HIBCH: variants seen among roughly 807,000 people sequenced by gnomAD.
HIBCH encodes the protein 3-hydroxyisobutyryl-CoA hydrolase.
In HIBCH, 50 loss-of-function variants were observed where a neutral mutation model predicts 58.2. The observed-to-expected ratio is 0.86, with a 90% CI of 0.68 to 1.09. The LOEUF is 1.09. Ranked by LOEUF, HIBCH falls within the 50% of genes least tolerant of loss-of-function variation. The pLI is 0.00. For synonymous variants in HIBCH, 151 were observed against 146.9 expected (o/e 1.03, Z -0.20); for missense variants, 450 against 449.7 (o/e 1.00, Z -0.01).
downstream of HIBCH, among the ~76,000 whole-genome samples, chr2:190,199,538 G>GTGAT (rs548468183): frequency 4.1e-4 from 62 of 152,238 alleles, 1 homozygote; most frequent in East Asian, 0.012. Flanking sequence ...TTTTTATTGA[G>GTGAT]TGATTATCTT....
intron 2 of HIBCH, among the ~76,000 whole-genome samples, chr2:190,298,009 G>C (rs1688151773): frequency 6.9e-6 from 1 of 145,914 alleles, no homozygotes; most frequent in African/African-American, 2.5e-5. Context: ...TATGGTGTTT[G>C]GTTTTCTGTC....
At chr2:190,266,597 C>A (rs1350052443) in intron 6 of HIBCH, among the ~76,000 whole-genome samples, 1 of 151,942 alleles carries the variant, frequency 6.6e-6, no homozygotes, top group East Asian at 1.9e-4. Context: ...CCACACCCAG[C>A]TAATTTTGGT....
chr2:190,293,060 A>C (rs1687996802), intron 4 of HIBCH, among the ~76,000 whole-genome samples: 1 of 152,234 alleles, frequency 6.6e-6, no homozygotes, highest in Non-Finnish European at 1.5e-5. Flanking sequence ...ATCAATATAA[A>C]ATTAGGCCTA....
intron 2 of HIBCH, among the ~76,000 whole-genome samples, chr2:190,300,899 T>C (rs1262822205): frequency 6.6e-6 from 1 of 152,250 alleles, no homozygotes; most frequent in African/African-American, 2.4e-5. Flanking sequence ...GCACCATTTA[T>C]TGAATAAGGA....
chr2:190,212,337 T>C (rs1388880136), intron 12 of HIBCH, among the ~76,000 whole-genome samples: 1 of 152,210 alleles, frequency 6.6e-6, no homozygotes, highest in East Asian at 1.9e-4. Flanking sequence ...ATAGTCCCTT[T>C]AGTCCATATA....
At chr2:190,260,451 TAAG>T (rs1215820553) in intron 7 of HIBCH, 1 of 152,216 alleles carries the variant, frequency 6.6e-6, no homozygotes, top group African/African-American at 2.4e-5. Flanking sequence ...TCGATAGTGT[TAAG>T]ATGTCAATTC....
At chr2:190,202,795 GA>G (rs1291775085), downstream of HIBCH, 1 of 167,006 alleles carries the variant, frequency 6.0e-6, no homozygotes, top group Non-Finnish European at 1.5e-5. Context: ...GGTTATCAGA[GA>G]AAATAAATGT....
downstream of HIBCH, chr2:190,200,482 G>C: frequency 4.8e-6 from 1 of 208,728 alleles, no homozygotes; most frequent in Non-Finnish European, 1.1e-5. Flanking sequence ...AATTCCAATG[G>C]TTGAAGTTTA....
chr2:190,217,261 A>G lies in HIBCH; in HGVS notation c.892-4186T>C, dbSNP rs1445676772. ...CACTTTCTGAGACTGAGGCAGGTGG[A>G]TCACCTGAGGTCAAGAGTTCAAGAC... On this transcript the variant is annotated intron_variant, in intron 11 of 13. Transcript: ENST00000359678. The surrounding 1 kb of genome is among the most constrained non-coding windows in gnomAD (Gnocchi z 4.6). Among the ~76,000 whole-genome samples, 1 of 152,174 alleles carries G rather than the reference A, an allele frequency of 6.6e-6. No individual in the cohort carries two copies. Among genetic ancestry groups the G allele is most frequent in the African/African-American group, 2.4e-5 (1 of 41,434 alleles).
At chr2:190,272,921 C>T (rs1687442805) in intron 6 of HIBCH, among the ~76,000 whole-genome samples, 1 of 151,902 alleles carries the variant, frequency 6.6e-6, no homozygotes, top group African/African-American at 2.4e-5. Flanking sequence ...TAGTAAAATA[C>T]AATTAAACAG....
chr2:190,195,731 T>C (rs1396391849), intron 1 of HIBCH, among the ~76,000 whole-genome samples: 1 of 152,212 alleles, frequency 6.6e-6, no homozygotes, highest in Non-Finnish European at 1.5e-5. Context: ...TTCTTGACCA[T>C]GTCTTAAACA....
downstream of HIBCH, chr2:190,199,960 TG>T: frequency 6.2e-7 from 1 of 1,614,104 alleles, no homozygotes. Context: ...AGAAGAGAGA[TG>T]TCTACCTAGG....
At chr2:190,272,406 G>C (rs1049358044) in intron 6 of HIBCH, among the ~76,000 whole-genome samples, 1 of 152,162 alleles carries the variant, frequency 6.6e-6, no homozygotes, top group Non-Finnish European at 1.5e-5. Flanking sequence ...AGGGGAATGA[G>C]CTCGTTTTAT....
intron 4 of HIBCH, among the ~76,000 whole-genome samples, chr2:190,291,978 CTTGT>C (rs1399177992): frequency 1.3e-5 from 2 of 152,026 alleles, no homozygotes; most frequent in East Asian, 1.9e-4. Flanking sequence ...CTAGAATTCT[CTTGT>C]TTGTTTTTTG....
intron 11 of HIBCH, among the ~76,000 whole-genome samples, chr2:190,224,397 G>A (rs1260489839): frequency 1.3e-5 from 2 of 152,108 alleles, no homozygotes; most frequent in African/African-American, 4.8e-5. Context: ...CCCATCTCAT[G>A]TGCAGAGACA....
At chr2:190,303,916 G>A (rs1417616272) in intron 2 of HIBCH, among the ~76,000 whole-genome samples, 1 of 152,068 alleles carries the variant, frequency 6.6e-6, no homozygotes, top group African/African-American at 2.4e-5. Flanking sequence ...CTTTTCCTCT[G>A]TCATATTCTT....
chr2:190,232,564 C>T (rs188981111), intron 11 of HIBCH, among the ~76,000 whole-genome samples: 2 of 152,372 alleles, frequency 1.3e-5, no homozygotes, highest in East Asian at 3.9e-4. Flanking sequence ...CTGTGCTTTT[C>T]CCTTTGCTGA....
At chr2:190,226,946 A>C (rs930089502) in intron 11 of HIBCH, among the ~76,000 whole-genome samples, 1 of 152,230 alleles carries the variant, frequency 6.6e-6, no homozygotes, top group Non-Finnish European at 1.5e-5. Context: ...AACAAATGGA[A>C]GAACATTCCA....
rs942668942 is a variant in HIBCH at position 190,306,663 on chromosome 2, G to A, written c.78+4091C>T. On this transcript the variant is annotated intron_variant, in intron 2 of 13. Coordinates refer to ENST00000359678, the MANE Select transcript of HIBCH (RefSeq NM_014362.4). This position sits in a 1 kb window ranked among gnomAD's most constrained non-coding sequence, Gnocchi z 4.6. Reference sequence around the variant, plus strand: ...ATTTTTTCTAATCCAAGAGTGTCACGTCTTCTGCTAGCACCCATGAAATAT... The same window carrying A: ...ATTTTTTCTAATCCAAGAGTGTCACATCTTCTGCTAGCACCCATGAAATAT... 2.6e-5 allele frequency among the ~76,000 whole-genome samples: 4 copies of A among 152,108 alleles called. No individual in the cohort carries two copies. The highest frequency in any genetic ancestry group is 2.1e-4 in the South Asian group (1 of 4,822).
Sources: allele counts gnomAD v4.1 joint callset (sites outside exome capture counted in the v4.1 genomes callset), GRCh38; gene constraint gnomAD v4.1.1; non-coding constraint Gnocchi (gnomAD v3.1); transcripts MANE v1.5; gene names NCBI Gene and HGNC (gene_info 2026-07-23, HGNC 2026-07-21).